Variants in PDE1A observed in about 807,000 individuals in gnomAD.
The protein encoded by PDE1A is phosphodiesterase 1A.
A neutral mutation model predicts 61.7 loss-of-function variants in PDE1A; 35 were observed. The observed-to-expected ratio is 0.57, with a 90% CI of 0.43 to 0.75. The LOEUF (loss-of-function observed/expected upper bound fraction) is 0.75, where lower values mean the gene tolerates loss of function less well. PDE1A is among the 30% of genes least tolerant of loss of function. The pLI is 0.00. For missense variants in PDE1A, 597 were observed against 630.6 expected (o/e 0.95, Z 0.57); for synonymous variants, 232 against 213.2 (o/e 1.09, Z -0.77).
At chr2:182,201,861 A>C in intron 8 of PDE1A, 72 bp from the exon 9 acceptor site, 2 of 891,140 alleles carry the variant, frequency 2.2e-6, no homozygotes, top group Middle Eastern at 4.5e-4. Flanking sequence ...TTCAATAAAT[A>C]ATCACTCACC....
chr2:182,467,678 T>C (rs1425686062), intron 2 of PDE1A, among the ~76,000 whole-genome samples: 5 of 151,994 alleles, frequency 3.3e-5, no homozygotes, highest in Non-Finnish European at 7.4e-5. Flanking sequence ...TTGAGCATTA[T>C]GTAAAAAGGA....
intron 2 of PDE1A, among the ~76,000 whole-genome samples, chr2:182,466,477 A>G (rs1472885261): frequency 6.6e-6 from 1 of 152,018 alleles, no homozygotes; most frequent in African/African-American, 2.4e-5. Flanking sequence ...GGGGAAATTG[A>G]GGAGTGGCAT....
the PDE1A span, among the ~76,000 whole-genome samples, chr2:182,670,788 A>G: frequency 6.6e-6 from 1 of 152,172 alleles, no homozygotes; most frequent in Non-Finnish European, 1.5e-5. Context: ...CAGTAGGACT[A>G]TGGTAGAACC....
chr2:182,638,821 C>T, the PDE1A span, among the ~76,000 whole-genome samples: 3 of 152,266 alleles, frequency 2.0e-5, no homozygotes, highest in Admixed American at 2.0e-4. Context: ...ATAAAACTAT[C>T]ACCTTTCCAC....
At chr2:182,494,219 A>G (rs1688569870) in intron 2 of PDE1A, among the ~76,000 whole-genome samples, 2 of 152,124 alleles carry the variant, frequency 1.3e-5, no homozygotes, top group Admixed American at 1.3e-4. Flanking sequence ...TATCATCTAC[A>G]TATCCAAAAG....
At chr2:182,464,506 CTA>C (rs1177203577) in intron 2 of PDE1A, among the ~76,000 whole-genome samples, 2 of 152,080 alleles carry the variant, frequency 1.3e-5, no homozygotes, top group African/African-American at 4.8e-5. Flanking sequence ...CTAAAATAGA[CTA>C]TGCATCAACC....
At chr2:182,393,325 G>A (rs1301247652) in intron 1 of PDE1A, among the ~76,000 whole-genome samples, 1 of 152,152 alleles carries the variant, frequency 6.6e-6, no homozygotes, top group Non-Finnish European at 1.5e-5. Context: ...CTGGGATGCA[G>A]GGCACCAAGT....
chr2:182,206,315 T>C (rs1038267671), intron 7 of PDE1A, among the ~76,000 whole-genome samples: 5 of 152,204 alleles, frequency 3.3e-5, no homozygotes, highest in African/African-American at 1.2e-4. Context: ...TGTACTTTCT[T>C]CTACCACACA....
At chr2:182,447,273 G>A (rs1303299478) in intron 2 of PDE1A, among the ~76,000 whole-genome samples, 2 of 151,776 alleles carry the variant, frequency 1.3e-5, no homozygotes, top group Non-Finnish European at 2.9e-5. Context: ...TGTCATCTAT[G>A]AGCAATCATT....
the PDE1A span, among the ~76,000 whole-genome samples, chr2:182,560,478 G>C: frequency 7.3e-5 from 11 of 150,322 alleles, no homozygotes; most frequent in African/African-American, 2.5e-4. Context: ...GGACATTTGG[G>C]TTGGTTCCAA....
chr2:182,430,060 A>G (rs1703853776), upstream of PDE1A, among the ~76,000 whole-genome samples: 1 of 152,304 alleles, frequency 6.6e-6, no homozygotes, highest in African/African-American at 2.4e-5. Context: ...TGCAAGAAAG[A>G]AAGGATTAGA....
intron 1 of PDE1A, among the ~76,000 whole-genome samples, chr2:182,316,100 G>T (rs976792968): frequency 6.6e-5 from 10 of 152,184 alleles, no homozygotes; most frequent in Middle Eastern, 3.2e-3. Context: ...GGAGGACCTT[G>T]CTAAGCAGAT....
the PDE1A span, among the ~76,000 whole-genome samples, chr2:182,666,183 C>A: frequency 3.3e-5 from 5 of 152,110 alleles, no homozygotes; most frequent in Non-Finnish European, 5.9e-5. Flanking sequence ...AACAAACCTG[C>A]ACATCCTGCA....
chr2:182,207,632 G>A (rs577222455), intron 7 of PDE1A, among the ~76,000 whole-genome samples: 10 of 152,314 alleles, frequency 6.6e-5, no homozygotes, highest in Non-Finnish European at 1.3e-4. Context: ...TTTCTGGGGA[G>A]GAATTCAAGG....
At chr2:182,694,240 C>A in the PDE1A span, among the ~76,000 whole-genome samples, 3 of 152,140 alleles carry the variant, frequency 2.0e-5, no homozygotes, top group Middle Eastern at 3.2e-3. Flanking sequence ...CACTTCTTTC[C>A]CACTAAATTG....
chr2:182,578,266 A>G, the PDE1A span, among the ~76,000 whole-genome samples: 1 of 152,140 alleles, frequency 6.6e-6, no homozygotes, highest in African/African-American at 2.4e-5. Context: ...TGTATCTATT[A>G]AGCTTATCAT....
At chr2:182,406,141 C>G (rs1702283928) in intron 1 of PDE1A, among the ~76,000 whole-genome samples, 2 of 151,982 alleles carry the variant, frequency 1.3e-5, no homozygotes, top group African/African-American at 4.8e-5. Flanking sequence ...ATTCTCACTT[C>G]AACTGTATAT....
chr2:182,151,086 CTTATTA>C (rs752239788), intron 13 of PDE1A, among the ~76,000 whole-genome samples: 4 of 152,098 alleles, frequency 2.6e-5, no homozygotes, highest in South Asian at 2.1e-4. Context: ...TCACAGCAAA[CTTATTA>C]TTATTATTTT....
the PDE1A span, among the ~76,000 whole-genome samples, chr2:182,617,448 A>C: frequency 1.3e-5 from 2 of 152,142 alleles, no homozygotes; most frequent in Non-Finnish European, 2.9e-5. Context: ...GGCTGATTTG[A>C]ATCTATATCC....
Sources: allele counts gnomAD v4.1 joint callset (sites outside exome capture counted in the v4.1 genomes callset), GRCh38; gene constraint gnomAD v4.1.1; transcripts MANE v1.5; gene names NCBI Gene and HGNC (gene_info 2026-07-23, HGNC 2026-07-21).